Variants in RNF115 observed in about 807,000 individuals in gnomAD.
The protein encoded by RNF115 is ring finger protein 115, also known as E3 ubiquitin-protein ligase RNF115.
A neutral mutation model predicts 39.2 loss-of-function variants in RNF115; 31 were observed. The ratio of observed to expected loss-of-function variants is 0.79; its 90% CI spans 0.59 to 1.07. The LOEUF is 1.07. Ranked by LOEUF, RNF115 falls within the 50% of genes least tolerant of loss-of-function variation. RNF115 has a pLI of 0.00. For synonymous variants in RNF115, 124 were observed against 131.0 expected, an observed-to-expected ratio of 0.95 and a Z score of 0.37; for missense variants, 384 against 381.7, an observed-to-expected ratio of 1.01 and a Z score of -0.05.
Position 145,745,861 on chromosome 1 carries a change from T to C in RNF115, c.*1005A>G. The C allele has an allele frequency of 6.6e-6, 1 of 152,174 alleles. No individual in the cohort carries two copies. The highest frequency in any genetic ancestry group is 1.5e-5 in the Non-Finnish European group (1 of 68,000). The allele number at this position is 152,174 out of a possible 1,614,324, so 9.4% of individuals were successfully genotyped here. On this transcript the variant is annotated 3_prime_UTR_variant, in exon 9 of 9. Transcript: ENST00000582693. ...AAAAGGAATGGGAATCAGATTCCTA[T>C]CAACATAAGGCTCCCAATATATGTT...
chr1:145,771,867 A>C lies in RNF115; in HGVS notation c.272T>G (p.Leu91Arg). The C allele has an allele frequency of 6.2e-7, 1 of 1,614,166 alleles. No individual in the cohort carries two copies. The highest frequency in any genetic ancestry group is 8.5e-7 in the Non-Finnish European group (1 of 1,180,008). Residue 91 changes from leucine (L) to arginine (R), a missense_variant, in exon 4 of 9, where the codon CTA (leucine) becomes CGA (arginine). Leu to Arg is a moderately radical substitution (Grantham distance 102). Transcript: ENST00000582693. ...TMFFQDFRPF[L>R]SSSPLDQDNR... ...ATCTTGGTCCAGTGGACTGCTACTT[A>C]GAAAGGGTCTAAAATCTTGAAAAAA...
rs1387678350 is a variant in RNF115 at position 145,824,072 on chromosome 1, C to G, written c.-199G>C. The G allele has an allele frequency of 6.4e-6, 3 of 468,418 alleles. No homozygotes were observed. The highest frequency in any genetic ancestry group is 4.2e-5 in the African/African-American group (2 of 47,936). 29.0% of individuals were successfully genotyped at this position (468,418 alleles called of 1,614,324 possible). On this transcript the variant is annotated 5_prime_UTR_variant, in exon 1 of 9. Transcript: ENST00000582693. ...TACCCTGCGGCCCGCCTCCCAGCAC[C>G]AAAGAGGCGCAGGAAGGAGAGACAA...
chr1:145,764,096 G>C (rs1404939248), intron 4 of RNF115, among the ~76,000 whole-genome samples: 3 of 152,166 alleles, frequency 2.0e-5, no homozygotes, highest in Non-Finnish European at 2.9e-5. Context: ...GTATTTTTTT[G>C]GTGGAGACTG....
chr1:145,788,957 A>G lies in RNF115; in HGVS notation c.112T>C (p.Cys38Arg). 2 of 1,591,140 alleles carry G rather than the reference A, an allele frequency of 1.3e-6. No individual in the cohort carries two copies. Among genetic ancestry groups the G allele is most frequent in the Non-Finnish European group, 1.7e-6 (2 of 1,162,716 alleles). The change falls in exon 2 of 9, where the codon TGT (cysteine) becomes CGT (arginine). Residue 38 changes from cysteine (C) to arginine (R), a missense_variant. By Grantham distance (180) the Cys-to-Arg change is radical (BLOSUM62 -3). Coordinates refer to ENST00000582693, the MANE Select transcript of RNF115 (RefSeq NM_014455.4). ...ATAAAGCCTGATTCACATCTGGGAC[A>G]TATATATTCCTATAAAAGAAAGGAA... ...EVSPKLPEYI[C>R]PRCESGFIEE...
chr1:145,788,071 CTAAGTT>C (rs1425750623), intron 2 of RNF115, among the ~76,000 whole-genome samples: 1 of 151,990 alleles, frequency 6.6e-6, no homozygotes, highest in Non-Finnish European at 1.5e-5. Context: ...GAAAGATGGC[CTAAGTT>C]TGACAGCAAT....
Position 145,746,798 on chromosome 1 carries a change from G to T in RNF115, c.*68C>A. The T allele has an allele frequency of 1.3e-6, 2 of 1,504,210 alleles. No homozygotes were observed. The highest frequency in any genetic ancestry group is 2.1e-5 in the Admixed American group (1 of 48,370). 93.2% of individuals were successfully genotyped at this position (1,504,210 alleles called of 1,614,324 possible). On this transcript the variant is annotated 3_prime_UTR_variant, in exon 9 of 9. Transcript: ENST00000582693. ...TCCTAAATCCATCTACTAATTTTTT[G>T]TTTTGATACAATTTACAGCTATGGT...
rs2101446333 is a variant in RNF115 at position 145,746,387 on chromosome 1, TA to T, written c.*478del. The T allele has an allele frequency of 6.6e-6, 1 of 152,270 alleles. No individual in the cohort carries two copies. Among genetic ancestry groups the T allele is most frequent in the Non-Finnish European group, 1.5e-5 (1 of 68,118 alleles). The allele number at this position is 152,270 out of a possible 1,614,324, so 9.4% of individuals were successfully genotyped here. A position where few individuals can be genotyped will look rare whatever the true frequency, so the allele number is the denominator to read the frequency against. Reference sequence around the variant, plus strand: ...CCTGAATTTGACCTCGCCTCATAGCTAATGTGATCAAGAGTAGTTTTTTTTT... The same window carrying T: ...CCTGAATTTGACCTCGCCTCATAGCTATGTGATCAAGAGTAGTTTTTTTTT... On this transcript the variant is annotated 3_prime_UTR_variant, in exon 9 of 9. Transcript: ENST00000582693.
rs782120888 is a variant in RNF115, at chr1:145,823,834, C to G, written c.40G>C (p.Ala14Pro). ...CAGAAAAACCGGTGGGCGGCTACAGCGGCGCCCGAGTCCGCCCCGGCCGCC... is the reference window on the plus strand; with the variant it reads ...CAGAAAAACCGGTGGGCGGCTACAGGGGCGCCCGAGTCCGCCCCGGCCGCC... Reference protein sequence around the residue: ...ASAAGADSGAAVAAHRFFCHF... With the variant: ...ASAAGADSGAPVAAHRFFCHF... Residue 14 changes from alanine (A) to proline (P), a missense_variant, in exon 1 of 9, where the codon GCT becomes CCT. Transcript: ENST00000582693. The G allele has an allele frequency of 5.1e-6, 8 of 1,579,568 alleles. No homozygotes were observed. In the African/African-American group the frequency reaches 8.4e-5, roughly 17 times the overall value.
chr1:145,751,024 A>G lies in RNF115; in HGVS notation c.573+414T>C, dbSNP rs1571705804. 2.6e-5 allele frequency among the ~76,000 whole-genome samples: 4 copies of G among 152,226 alleles called. No homozygotes were observed. The East Asian group carries it at 7.7e-4, about 29-fold the overall frequency. ...AACATAAACAAGTGGAAGCAATTATACATGGCATGGGAATACTTTTTTCTC... is the reference window on the plus strand; with the variant it reads ...AACATAAACAAGTGGAAGCAATTATGCATGGCATGGGAATACTTTTTTCTC... On this transcript the variant is annotated intron_variant, in intron 6 of 8. Transcript: ENST00000582693.
At chr1:145,787,700 A>C (rs914499580) in intron 2 of RNF115, among the ~76,000 whole-genome samples, 1 of 152,118 alleles carries the variant, frequency 6.6e-6, no homozygotes, top group South Asian at 2.1e-4. Context: ...CAGCCTGGCC[A>C]ACACGGCAAA....
At chr1:145,780,044 G>A (rs902627058) in intron 3 of RNF115, among the ~76,000 whole-genome samples, 2 of 151,786 alleles carry the variant, frequency 1.3e-5, no homozygotes, top group Admixed American at 6.6e-5. Context: ...CCTGGCCAAC[G>A]TGGTAAAACC....
chr1:145,775,854 C>T (rs1298584321), intron 3 of RNF115, among the ~76,000 whole-genome samples: 4 of 151,612 alleles, frequency 2.6e-5, no homozygotes, highest in South Asian at 4.2e-4. Context: ...AAAAATTAGC[C>T]GGGCATGGTG....
chr1:145,748,883 CAA>C (rs34432746), intron 7 of RNF115, among the ~76,000 whole-genome samples: 1 of 136,420 alleles, frequency 7.3e-6, no homozygotes. Context: ...GACTCTGTCT[CAA>C]AAAAAAAAAA....
At chr1:145,793,664 G>A (rs1314628950) in intron 1 of RNF115, among the ~76,000 whole-genome samples, 4 of 151,698 alleles carry the variant, frequency 2.6e-5, no homozygotes, top group South Asian at 2.1e-4. Context: ...TGGCATATCA[G>A]TTTGCTCATA....
In RNF115 at chr1:145,788,956, CAT is replaced by C; in HGVS notation, c.111_112del (p.Ile37MetfsTer5). 6.3e-7 allele frequency: 1 copy of C among 1,590,434 alleles called. No individual in the cohort carries two copies. ...AATAAAGCCTGATTCACATCTGGGA[CAT>C]ATATATTCCTATAAAAGAAAGGAAG... On this transcript the variant is annotated frameshift_variant, in exon 2 of 9. Coordinates refer to ENST00000582693, the MANE Select transcript of RNF115 (RefSeq NM_014455.4). LOFTEE classifies it high-confidence loss of function.
At chr1:145,785,765 G>T (rs1484578684) in intron 2 of RNF115, among the ~76,000 whole-genome samples, 1 of 152,144 alleles carries the variant, frequency 6.6e-6, no homozygotes, top group Non-Finnish European at 1.5e-5. Flanking sequence ...AAAAAGCAAA[G>T]CTAATGCCAC....
At chr1:145,766,600 C>T (rs1553714878) in intron 4 of RNF115, among the ~76,000 whole-genome samples, 13 of 148,878 alleles carry the variant, frequency 8.7e-5, no homozygotes, top group Non-Finnish European at 1.0e-4. Flanking sequence ...ACCTCCCGGA[C>T]GGGGCGGCTG....
chr1:145,782,456 A>ACAC (rs1559118456), intron 3 of RNF115, among the ~76,000 whole-genome samples: 1 of 151,654 alleles, frequency 6.6e-6, no homozygotes, highest in Non-Finnish European at 1.5e-5. Flanking sequence ...ATCTCTTAAA[A>ACAC]ACACACACAC....
At position 145,742,312 on chromosome 1, in the gene RNF115, A is replaced by C. The variant is rs1657714562; in HGVS notation, c.*4554T>G. 6.6e-6 allele frequency: 1 copy of C among 152,212 alleles called. No individual in the cohort carries two copies. Among genetic ancestry groups the C allele is most frequent in the Admixed American group, 6.5e-5 (1 of 15,292 alleles). The allele number at this position is 152,212 out of a possible 1,614,324, so 9.4% of individuals were successfully genotyped here. A position where few individuals can be genotyped will look rare whatever the true frequency, so the allele number is the denominator to read the frequency against. On this transcript the variant is annotated 3_prime_UTR_variant, in exon 9 of 9. Coordinates refer to ENST00000582693, the MANE Select transcript of RNF115 (RefSeq NM_014455.4). ...GTCATGAATTATTCAATTTGGTGTC[A>C]ATAATTTGTCAGAAAAATTAAAAAA...
Sources: gnomAD v4.1 joint callset for allele counts (sites outside exome capture counted in the v4.1 genomes callset) on GRCh38, gnomAD v4.1.1 for gene constraint, MANE v1.5 for transcripts, NCBI Gene and HGNC (gene_info 2026-07-23, HGNC 2026-07-21) for gene names.